Variants in RAB11A observed in about 807,000 individuals in gnomAD.
RAB11A encodes the protein ras-related protein Rab-11A.
Under a neutral mutation model 28.0 loss-of-function variants are expected in RAB11A, and 9 were observed. The observed-to-expected ratio is 0.32, with a 90% confidence interval of 0.19 to 0.56. The LOEUF (loss-of-function observed/expected upper bound fraction) is 0.56, where lower values mean the gene tolerates loss of function less well. Among genes scored for constraint, RAB11A ranks in the 20% least tolerant of loss-of-function variants. The pLI is 0.91. For missense variants in RAB11A, 108 were observed against 269.6 expected (o/e 0.40, Z 4.20); for synonymous variants, 85 against 88.2 (o/e 0.96, Z 0.20).
In RAB11A at chr15:65,878,072, G is replaced by T. The variant is rs576145607; in HGVS notation, c.430+117G>T. ...AGAGGTAAACATGAATGCTTAGCAA[G>T]AATTGTTTTGAAAGTTTGTGATGAC... is the stretch of plus-strand genomic sequence containing the variant. On this transcript the variant is annotated intron_variant, in intron 3 of 4. Coordinates refer to ENST00000261890, the MANE Select transcript of RAB11A (RefSeq NM_004663.5). 23 of 1,075,370 alleles carry T rather than the reference G, an allele frequency of 2.1e-5. No individual in the cohort carries two copies. In the South Asian group the frequency reaches 2.8e-4, roughly 13 times the overall value. 66.6% of individuals were successfully genotyped at this position (1,075,370 alleles called of 1,614,324 possible).
At position 65,887,858 on chromosome 15, in the gene RAB11A, C is replaced by T. The variant is rs1412521711; in HGVS notation, c.*18C>T. ...ACATCTAAGGCATTTCTCTTCTCCC[C>T]TAGAAGGCTGTGTATAGTCCATTTC... is the stretch of plus-strand genomic sequence containing the variant. On this transcript the variant is annotated 3_prime_UTR_variant, in exon 5 of 5. Transcript: ENST00000261890. 6.3e-7 allele frequency: 1 copy of T among 1,595,698 alleles called. No homozygotes were observed. Among genetic ancestry groups the T allele is most frequent in the Non-Finnish European group, 8.5e-7 (1 of 1,172,880 alleles).
chr15:65,871,821 A>G, intron 1 of RAB11A, among the ~76,000 whole-genome samples: 1 of 151,802 alleles, frequency 6.6e-6, no homozygotes, highest in East Asian at 1.9e-4. Context: ...CTGCCTCTTA[A>G]GATTGTGAGA....
At chr15:65,886,165 A>G (rs1336773944) in intron 4 of RAB11A, among the ~76,000 whole-genome samples, 1 of 152,202 alleles carries the variant, frequency 6.6e-6, no homozygotes, top group African/African-American at 2.4e-5. Context: ...AGTTCAGCAT[A>G]TCAAAACGCC....
chr15:65,869,998 T>C (rs184241714), intron 1 of RAB11A: 8 of 189,586 alleles, frequency 4.2e-5, no homozygotes, highest in African/African-American at 1.9e-4. Flanking sequence ...GCGTACACCC[T>C]TCCCAGCTCG....
intron 1 of RAB11A, among the ~76,000 whole-genome samples, chr15:65,870,353 G>A (rs1178491546): frequency 6.6e-6 from 1 of 152,176 alleles, no homozygotes; most frequent in African/African-American, 2.4e-5. Context: ...CCTTGTCTCC[G>A]TTGCGACCTG....
At chr15:65,873,637 T>C (rs1009073659) in intron 1 of RAB11A, among the ~76,000 whole-genome samples, 3 of 151,950 alleles carry the variant, frequency 2.0e-5, no homozygotes, top group Non-Finnish European at 4.4e-5. Context: ...CACTGCAGCC[T>C]CAAATTCCTG....
chr15:65,882,106 T>C (rs1347140315), intron 4 of RAB11A, among the ~76,000 whole-genome samples: 1 of 152,168 alleles, frequency 6.6e-6, no homozygotes, highest in African/African-American at 2.4e-5. Context: ...CACTCTAGAT[T>C]GAACTTTTGT....
chr15:65,883,822 C>T (rs2078237261), intron 4 of RAB11A, among the ~76,000 whole-genome samples: 2 of 152,046 alleles, frequency 1.3e-5, no homozygotes, highest in Admixed American at 1.3e-4. Flanking sequence ...GCTGAGATTA[C>T]AGGTGTGAGC....
chr15:65,870,514 G>A (rs1220827006), intron 1 of RAB11A, among the ~76,000 whole-genome samples: 1 of 152,184 alleles, frequency 6.6e-6, no homozygotes, highest in Admixed American at 6.5e-5. Flanking sequence ...CTCTTTACTC[G>A]GTTCGCGAGA....
chr15:65,882,777 G>A (rs748928031), intron 4 of RAB11A, among the ~76,000 whole-genome samples: 3 of 152,028 alleles, frequency 2.0e-5, no homozygotes, highest in Non-Finnish European at 2.9e-5. Context: ...AGATTGCTCC[G>A]CCTCTGAATT....
At chr15:65,875,859 A>G (rs932706532) in intron 1 of RAB11A, among the ~76,000 whole-genome samples, 1 of 152,164 alleles carries the variant, frequency 6.6e-6, no homozygotes. Flanking sequence ...TTAGTAAGGA[A>G]TGGTCTTACT....
In RAB11A at chr15:65,869,500, T is replaced by C. The variant is rs952910549; in HGVS notation, c.-86T>C. 3.9e-6 allele frequency: 6 copies of C among 1,536,360 alleles called. No individual in the cohort carries two copies. Among genetic ancestry groups the C allele is most frequent in the African/African-American group, 1.4e-5 (1 of 73,044 alleles). On this transcript the variant is annotated 5_prime_UTR_variant, in exon 1 of 5. Coordinates refer to ENST00000261890, the MANE Select transcript of RAB11A (RefSeq NM_004663.5). The stretch of plus-strand genomic sequence containing the variant: ...CTTCACCCAGTCCGGCAGTTGAAGC[T>C]CGGCGCTCGGGTTACCCCTGCAGCG...
chr15:65,884,727 T>C (rs2078243965), intron 4 of RAB11A, among the ~76,000 whole-genome samples: 1 of 149,342 alleles, frequency 6.7e-6, no homozygotes. Context: ...GTAATTTACA[T>C]ACTTAAGTCT....
intron 1 of RAB11A, among the ~76,000 whole-genome samples, chr15:65,872,434 CTT>C (rs766926004): frequency 8.1e-5 from 11 of 136,086 alleles, no homozygotes; most frequent in South Asian, 2.3e-4. Context: ...AGGATTTCTA[CTT>C]TTTTTTTTTT....
intron 4 of RAB11A, among the ~76,000 whole-genome samples, chr15:65,882,359 A>G (rs1054213344): frequency 6.6e-6 from 1 of 152,234 alleles, no homozygotes; most frequent in African/African-American, 2.4e-5. Flanking sequence ...AACAGTGAAG[A>G]GGACAGACTC....
At position 65,891,983 on chromosome 15, in the gene RAB11A, T is replaced by C. The variant is rs1188640256; in HGVS notation, c.*4143T>C. On this transcript the variant is annotated 3_prime_UTR_variant, in exon 5 of 5. Transcript: ENST00000261890. The stretch of plus-strand genomic sequence containing the variant: ...TATACTCATGTCTGGGAGAGAACTT[T>C]TAAAAACATTTTGTGTTTAATTTTT... The C allele has an allele frequency of 1.3e-5, 2 of 152,240 alleles. No individual in the cohort carries two copies. The highest frequency in any genetic ancestry group is 6.5e-5 in the Admixed American group (1 of 15,288). The allele number at this position is 152,240 out of a possible 1,614,324, so 9.4% of individuals were successfully genotyped here.
intron 4 of RAB11A, among the ~76,000 whole-genome samples, chr15:65,881,177 C>A (rs1254265188): frequency 6.6e-6 from 1 of 152,110 alleles, no homozygotes; most frequent in East Asian, 1.9e-4. Context: ...AGTAGCTTTC[C>A]TTTAGAATGT....
chr15:65,870,591 A>T (rs1349262497), intron 1 of RAB11A, among the ~76,000 whole-genome samples: 1 of 152,230 alleles, frequency 6.6e-6, no homozygotes, highest in Non-Finnish European at 1.5e-5. Flanking sequence ...TGAGCAGGAA[A>T]GGTTGTGCGC....
chr15:65,871,227 A>G lies in RAB11A; in HGVS notation c.40+1602A>G, dbSNP rs576383087. Among the ~76,000 whole-genome samples the G allele has an allele frequency of 9.2e-5, 14 of 152,272 alleles. No homozygotes were observed. The South Asian group carries it at 1.9e-3, about 20-fold the overall frequency. On this transcript the variant is annotated intron_variant, in intron 1 of 4. Transcript: ENST00000261890. ...ACTAGTCTGCTGTTATACTCTTATC[A>G]TCTCTTACTCCTCTGACTCAGAATA...
Sources: allele counts gnomAD v4.1 joint callset (sites outside exome capture counted in the v4.1 genomes callset), GRCh38; gene constraint gnomAD v4.1.1; transcripts MANE v1.5; gene names NCBI Gene and HGNC (gene_info 2026-07-23, HGNC 2026-07-21).